PKIB: variants seen among roughly 807,000 people sequenced by gnomAD.
The protein encoded by PKIB is PKI-beta.
In PKIB, 2 loss-of-function variants were observed where a neutral mutation model predicts 4.5. That is an observed-to-expected ratio of 0.44 (90% CI 0.18 to 1.39). The LOEUF (loss-of-function observed/expected upper bound fraction) is 1.39, where lower values mean the gene tolerates loss of function less well. PKIB is among the 40% of genes most tolerant of loss of function. The pLI, the probability that PKIB is intolerant of heterozygous loss-of-function variation, is 0.27. For synonymous variants in PKIB, 38 were observed against 36.0 expected (o/e 1.06, Z -0.20); for missense variants, 94 against 92.6 (o/e 1.02, Z -0.06).
chr6:122,607,457 G>A (rs1219497241), upstream of PKIB, among the ~76,000 whole-genome samples: 2 of 152,190 alleles, frequency 1.3e-5, no homozygotes, highest in Admixed American at 1.3e-4. Flanking sequence ...GGCCAAGTCT[G>A]GAGTGAGCCG....
intron 4 of PKIB, 33 bp downstream of exon 4, chr6:122,717,996 A>G (rs376807018): frequency 6.3e-7 from 1 of 1,592,642 alleles, no homozygotes; most frequent in Non-Finnish European, 8.6e-7. Context: ...AATTAACAGC[A>G]CTTGTCCCTT....
chr6:122,642,582 A>G (rs935853900), intron 2 of PKIB, among the ~76,000 whole-genome samples: 10 of 152,046 alleles, frequency 6.6e-5, no homozygotes, highest in African/African-American at 2.4e-4. Context: ...ACTCTATCCC[A>G]TTTGTCCCTC....
upstream of PKIB, among the ~76,000 whole-genome samples, chr6:122,607,897 A>G (rs1006399631): frequency 2.6e-5 from 4 of 152,108 alleles, no homozygotes; most frequent in Non-Finnish European, 5.9e-5. Context: ...TTCTGCCCCA[A>G]CTTTGCATAG....
At chr6:122,496,341 C>G (rs965297940) in intron 2 of PKIB, among the ~76,000 whole-genome samples, 6 of 152,144 alleles carry the variant, frequency 3.9e-5, no homozygotes, top group Admixed American at 3.3e-4. Context: ...ATGAATGTTG[C>G]AACACCACCA....
At chr6:122,554,590 T>C (rs1197272367) in intron 2 of PKIB, among the ~76,000 whole-genome samples, 1 of 152,168 alleles carries the variant, frequency 6.6e-6, no homozygotes, top group Non-Finnish European at 1.5e-5. Context: ...GAAAGATAAC[T>C]GAGCAGTAGT....
chr6:122,662,471 G>A (rs974074770), intron 2 of PKIB, among the ~76,000 whole-genome samples: 7 of 150,656 alleles, frequency 4.6e-5, no homozygotes, highest in South Asian at 2.1e-4. Flanking sequence ...ATGCACCACC[G>A]TGCCCAGCTA....
intron 2 of PKIB, among the ~76,000 whole-genome samples, chr6:122,580,251 C>T (rs745911726): frequency 1.3e-5 from 2 of 152,020 alleles, no homozygotes; most frequent in African/African-American, 4.8e-5. Context: ...TCTAAGCATG[C>T]AAACATTTTC....
chr6:122,711,432 A>G (rs1388720538), intron 3 of PKIB, among the ~76,000 whole-genome samples: 2 of 152,182 alleles, frequency 1.3e-5, no homozygotes, highest in East Asian at 1.9e-4. Context: ...AGTCTGGACT[A>G]TATCATCTTT....
chr6:122,483,731 A>C (rs1775688926), intron 2 of PKIB: 1 of 152,210 alleles, frequency 6.6e-6, no homozygotes, highest in African/African-American at 2.4e-5. Flanking sequence ...GCTAGTTTGC[A>C]AAGTTTGTTA....
intron 4 of PKIB, 117 bp downstream of exon 4, chr6:122,718,080 T>G (rs1332097715): frequency 6.7e-6 from 7 of 1,046,740 alleles, no homozygotes; most frequent in Non-Finnish European, 9.5e-6. Flanking sequence ...ATTTGTTTAC[T>G]TAAACCTCTC....
intron 3 of PKIB, among the ~76,000 whole-genome samples, chr6:122,688,358 G>A (rs1161163969): frequency 6.6e-6 from 1 of 152,110 alleles, no homozygotes; most frequent in Non-Finnish European, 1.5e-5. Context: ...GTTTGCTAGT[G>A]TTTTGTTGAA....
chr6:122,499,325 T>C (rs1002683559), intron 2 of PKIB, among the ~76,000 whole-genome samples: 16 of 152,122 alleles, frequency 1.1e-4, no homozygotes, highest in Non-Finnish European at 5.9e-5. Context: ...AAAATACTAG[T>C]AAACCAAATC....
In PKIB at chr6:122,717,889, A is replaced by T; in HGVS notation, c.95A>T (p.Asp32Val). The change falls in exon 4 of 5, where the codon GAC becomes GTC. Residue 32 changes from aspartate (D) to valine (V), a missense_variant. By Grantham distance (152) the Asp-to-Val change is radical. Transcript: ENST00000368452. ...ARAGRRNALP[D>V]IQSSAATDGT... is the part of the protein sequence containing the mutation. ...GCAGGCCGCCGGAATGCCTTACCAG[A>T]CATCCAGAGTTCAGCTGCCACAGAC... 6.2e-7 allele frequency: 1 copy of T among 1,614,136 alleles called. No individual in the cohort carries two copies. Among genetic ancestry groups the T allele is most frequent in the Non-Finnish European group, 8.5e-7 (1 of 1,179,994 alleles).
At chr6:122,676,612 C>A (rs779737239) in intron 3 of PKIB, among the ~76,000 whole-genome samples, 1 of 152,122 alleles carries the variant, frequency 6.6e-6, no homozygotes, top group Non-Finnish European at 1.5e-5. Flanking sequence ...TCCAGGATAT[C>A]ACTGAAACAT....
At chr6:122,478,793 A>AC (rs1176457811) in intron 2 of PKIB, 3 of 152,210 alleles carry the variant, frequency 2.0e-5, no homozygotes, top group East Asian at 1.9e-4. Context: ...AAGAAAACAA[A>AC]AAACAAAAAA....
intron 3 of PKIB, among the ~76,000 whole-genome samples, chr6:122,590,027 A>G (rs1773969849): frequency 6.6e-6 from 1 of 152,192 alleles, no homozygotes; most frequent in East Asian, 1.9e-4. Flanking sequence ...GAAATCAGAA[A>G]AAAATGAGTA....
intron 2 of PKIB, among the ~76,000 whole-genome samples, chr6:122,642,714 T>G (rs1776168015): frequency 6.6e-6 from 1 of 152,192 alleles, no homozygotes; most frequent in African/African-American, 2.4e-5. Flanking sequence ...AGTTAATGAG[T>G]GTGACATATC....
At chr6:122,644,117 A>G (rs1776222150) in intron 2 of PKIB, 1 of 150,484 alleles carries the variant, frequency 6.6e-6, no homozygotes, top group South Asian at 2.1e-4. Flanking sequence ...AAATTATTCT[A>G]TATGTTAGTT....
At chr6:122,583,312 T>A (rs931409229) in intron 2 of PKIB, among the ~76,000 whole-genome samples, 2 of 152,124 alleles carry the variant, frequency 1.3e-5, no homozygotes, top group Non-Finnish European at 2.9e-5. Context: ...GAGATAGGCA[T>A]GCCCAAGCAT....
Sources: allele counts gnomAD v4.1 joint callset (sites outside exome capture counted in the v4.1 genomes callset), GRCh38; gene constraint gnomAD v4.1.1; transcripts MANE v1.5; gene names NCBI Gene and HGNC (gene_info 2026-07-23, HGNC 2026-07-21).